Variants in CENPW observed in about 807,000 individuals in gnomAD.
CENPW encodes the protein cancer-up-regulated gene 2 protein.
A neutral mutation model predicts 11.1 loss-of-function variants in CENPW; 3 were observed. The ratio of observed to expected loss-of-function variants is 0.27; its 90% CI spans 0.12 to 0.70. The LOEUF is 0.70. Ranked by LOEUF, CENPW falls within the 30% of genes least tolerant of loss-of-function variation. The pLI is 0.77. For missense variants in CENPW, 100 were observed against 105.6 expected (o/e 0.95, Z 0.23); for synonymous variants, 38 against 42.0 (o/e 0.91, Z 0.37).
chr6:126,475,307 C>T, the CENPW span, among the ~76,000 whole-genome samples: 1 of 151,908 alleles, frequency 6.6e-6, no homozygotes, highest in African/African-American at 2.4e-5. Flanking sequence ...ATTTGTAACT[C>T]ATAAGTGTTT....
chr6:126,449,786 A>G, the CENPW span, among the ~76,000 whole-genome samples: 99 of 151,230 alleles, frequency 6.5e-4, no homozygotes, highest in African/African-American at 2.3e-3. Context: ...CTTGCTCACA[A>G]CATAGGGAAT....
chr6:126,344,351 G>A (rs141254208), intron 1 of CENPW, among the ~76,000 whole-genome samples: 118 of 152,290 alleles, frequency 7.7e-4, no homozygotes, highest in African/African-American at 2.6e-3. Flanking sequence ...TGAATTCTCA[G>A]AGAAATTCAA....
the CENPW span, among the ~76,000 whole-genome samples, chr6:126,375,382 T>C: frequency 1.3e-5 from 2 of 152,196 alleles, 1 homozygote; most frequent in South Asian, 4.1e-4. Flanking sequence ...GGATTATAAT[T>C]TACTTTTTAT....
chr6:126,341,551 A>G (rs1455806747), intron 1 of CENPW, among the ~76,000 whole-genome samples: 1 of 152,152 alleles, frequency 6.6e-6, no homozygotes, highest in Non-Finnish European at 1.5e-5. Context: ...GAAAAGTATT[A>G]CTTCTATCTT....
At chr6:126,377,046 G>A in the CENPW span, among the ~76,000 whole-genome samples, 1 of 152,126 alleles carries the variant, frequency 6.6e-6, no homozygotes, top group Non-Finnish European at 1.5e-5. Context: ...GTAGATTCTG[G>A]GGGTAAGGAA....
chr6:126,367,828 G>A, the CENPW span, among the ~76,000 whole-genome samples: 1 of 152,124 alleles, frequency 6.6e-6, no homozygotes, highest in Admixed American at 6.5e-5. Flanking sequence ...GACAGTTGAT[G>A]TGGGAGAATT....
chr6:126,466,605 T>C, the CENPW span, among the ~76,000 whole-genome samples: 23 of 152,118 alleles, frequency 1.5e-4, no homozygotes, highest in Admixed American at 2.6e-4. Flanking sequence ...GATGTATTTA[T>C]AGGTGTGTGC....
At chr6:126,433,444 A>G in the CENPW span, among the ~76,000 whole-genome samples, 2 of 152,208 alleles carry the variant, frequency 1.3e-5, no homozygotes, top group Non-Finnish European at 2.9e-5. Flanking sequence ...AGCTGCTTAT[A>G]TGATAACTAC....
At chr6:126,367,812 AGAG>A in the CENPW span, among the ~76,000 whole-genome samples, 72 of 152,320 alleles carry the variant, frequency 4.7e-4, no homozygotes, top group African/African-American at 1.3e-3. Context: ...TCTGAAATAA[AGAG>A]GAGACAGTTG....
At chr6:126,363,841 T>C in the CENPW span, among the ~76,000 whole-genome samples, 1 of 152,326 alleles carries the variant, frequency 6.6e-6, no homozygotes, top group Middle Eastern at 3.4e-3. Context: ...AAAACCAATG[T>C]CCAATTTGCT....
Position 126,340,367 on chromosome 6 carries a change from C to G in CENPW, c.94C>G (p.Gln32Glu), listed in dbSNP as rs1317301129. Residue 32 changes from glutamine (Q) to glutamate (E), a missense_variant, in exon 1 of 3, where the codon CAA (glutamine) becomes GAA (glutamate). Physicochemically the swap from Gln to Glu is conservative, Grantham distance 29. Coordinates refer to ENST00000368328, the MANE Select transcript of CENPW (RefSeq NM_001012507.4). Reference sequence around the variant, plus strand: ...GCGAGTCTTCAAGCGAAAGAAGCCTCAACTTCGTCTGGAGAAAAGTGGTGA... The same window carrying G: ...GCGAGTCTTCAAGCGAAAGAAGCCTGAACTTCGTCTGGAGAAAAGTGGTGA... ...LKRVFKRKKP[Q>E]LRLEKSGDLL... 1 of 1,614,140 alleles carries G rather than the reference C, an allele frequency of 6.2e-7. No individual in the cohort carries two copies.
chr6:126,354,142 T>C, the CENPW span, among the ~76,000 whole-genome samples: 5 of 152,104 alleles, frequency 3.3e-5, no homozygotes, highest in African/African-American at 1.2e-4. Flanking sequence ...TAATGGGTAT[T>C]TTGTTAAATA....
chr6:126,365,533 C>G, the CENPW span, among the ~76,000 whole-genome samples: 1 of 152,100 alleles, frequency 6.6e-6, no homozygotes, highest in East Asian at 1.9e-4. Context: ...GTTATGAGAA[C>G]AGCAAGGGGG....
At chr6:126,343,199 A>T (rs1319410959) in intron 1 of CENPW, among the ~76,000 whole-genome samples, 1 of 152,174 alleles carries the variant, frequency 6.6e-6, no homozygotes, top group Non-Finnish European at 1.5e-5. Context: ...TATTGATGGA[A>T]TAGCTTACCT....
At chr6:126,354,508 C>CA in the CENPW span, among the ~76,000 whole-genome samples, 1 of 152,048 alleles carries the variant, frequency 6.6e-6, no homozygotes, top group South Asian at 2.1e-4. Flanking sequence ...TATCTACGTA[C>CA]AAAAAACTGC....
chr6:126,353,053 C>T (rs1780509829), downstream of CENPW, among the ~76,000 whole-genome samples: 1 of 151,994 alleles, frequency 6.6e-6, no homozygotes, highest in African/African-American at 2.4e-5. Flanking sequence ...ATGCCATTTA[C>T]TTGCTGCCTT....
At chr6:126,466,813 C>T in the CENPW span, among the ~76,000 whole-genome samples, 2 of 151,948 alleles carry the variant, frequency 1.3e-5, no homozygotes, top group African/African-American at 2.4e-5. Context: ...TATCAATGTA[C>T]AAAAATCACT....
chr6:126,367,273 T>C, the CENPW span, among the ~76,000 whole-genome samples: 3 of 152,088 alleles, frequency 2.0e-5, no homozygotes. Flanking sequence ...GTTTGGGTTT[T>C]AAGTGTACCT....
the CENPW span, among the ~76,000 whole-genome samples, chr6:126,393,102 A>G: frequency 6.6e-6 from 1 of 151,922 alleles, no homozygotes; most frequent in Non-Finnish European, 1.5e-5. Flanking sequence ...AGTAGCTACT[A>G]ATGATCCTTT....
Sources: gnomAD v4.1 joint callset for allele counts (sites outside exome capture counted in the v4.1 genomes callset) on GRCh38, gnomAD v4.1.1 for gene constraint, MANE v1.5 for transcripts, NCBI Gene and HGNC (gene_info 2026-07-23, HGNC 2026-07-21) for gene names.